Variants in PPP1R14C observed in about 807,000 individuals in gnomAD.
PPP1R14C encodes the protein protein phosphatase 1 regulatory subunit 14C.
PPP1R14C carries 16 observed loss-of-function variants against 20.4 expected under a neutral mutation model. That is an observed-to-expected ratio of 0.78 (90% confidence interval 0.53 to 1.19). The LOEUF (loss-of-function observed/expected upper bound fraction) is 1.19. PPP1R14C is among the 50% of genes most tolerant of loss of function. The probability of loss-of-function intolerance (pLI) is 0.00; values close to 1 mark genes in which losing one functional copy is unlikely to be tolerated. For synonymous variants in PPP1R14C, 91 were observed against 91.0 expected, an observed-to-expected ratio of 1.00 and a Z score of 0.00; for missense variants, 211 against 220.1, an observed-to-expected ratio of 0.96 and a Z score of 0.26.
At chr6:150,242,300 A>G (rs925353503) in intron 3 of PPP1R14C, among the ~76,000 whole-genome samples, 1 of 152,284 alleles carries the variant, frequency 6.6e-6, no homozygotes, top group Non-Finnish European at 1.5e-5. Context: ...CCCTGATACT[A>G]AAGATAAAGA....
intron 1 of PPP1R14C, among the ~76,000 whole-genome samples, chr6:150,199,220 T>C (rs9479920): frequency 0.013 from 1,959 of 152,312 alleles, 50 homozygotes; most frequent in African/African-American, 0.045. Flanking sequence ...GCAGGTATTT[T>C]ATGAATGTGA....
intron 3 of PPP1R14C, among the ~76,000 whole-genome samples, chr6:150,218,163 G>A (rs756735967): frequency 6.6e-6 from 1 of 152,110 alleles, no homozygotes; most frequent in African/African-American, 2.4e-5. Flanking sequence ...CAGCACTTTG[G>A]GGGGCCGAGA....
Position 150,249,095 on chromosome 6 carries a change from C to T in PPP1R14C, c.*275C>T, listed in dbSNP as rs1336075971. On this transcript the variant is annotated 3_prime_UTR_variant, in exon 4 of 4. Coordinates refer to ENST00000361131, the MANE Select transcript of PPP1R14C (RefSeq NM_030949.3). ...CAAGGATTATCAAAGGAGGTGGACA[C>T]TCAAGGAAGGGCCACGCCAGGCTGC... 4.8e-6 allele frequency: 2 copies of T among 417,156 alleles called. No individual in the cohort carries two copies. Among genetic ancestry groups the T allele is most frequent in the Non-Finnish European group, 8.4e-6 (2 of 237,446 alleles). The allele number at this position is 417,156 out of a possible 1,614,324, so 25.8% of individuals were successfully genotyped here.
intron 1 of PPP1R14C, among the ~76,000 whole-genome samples, chr6:150,188,856 ATTAT>A (rs1777709177): frequency 6.8e-6 from 1 of 147,518 alleles, no homozygotes; most frequent in South Asian, 2.1e-4. Flanking sequence ...TTTTTTAATT[ATTAT>A]TTATTTATTA....
intron 2 of PPP1R14C, among the ~76,000 whole-genome samples, chr6:150,215,565 T>A (rs7758186): frequency 0.21 from 32,001 of 152,188 alleles, 5,004 homozygotes; most frequent in African/African-American, 0.44. Context: ...CATTTGAATG[T>A]ATTAATGTGT....
At chr6:150,246,698 T>C (rs1324149743) in intron 3 of PPP1R14C, among the ~76,000 whole-genome samples, 1 of 152,226 alleles carries the variant, frequency 6.6e-6, no homozygotes, top group Non-Finnish European at 1.5e-5. Flanking sequence ...AAAATTTATG[T>C]ACAAAGACAT....
intron 1 of PPP1R14C, among the ~76,000 whole-genome samples, chr6:150,198,944 G>A (rs1177524814): frequency 6.6e-6 from 1 of 151,968 alleles, no homozygotes; most frequent in African/African-American, 2.4e-5. Flanking sequence ...ATGCACGATT[G>A]TTTTCTCCAA....
At chr6:150,228,876 G>A (rs190627593) in intron 3 of PPP1R14C, among the ~76,000 whole-genome samples, 8 of 152,216 alleles carry the variant, frequency 5.3e-5, no homozygotes, top group Non-Finnish European at 8.8e-5. Context: ...GAAAAGCCAC[G>A]TGGGCCTTGC....
rs1441755777 is a variant in PPP1R14C at position 150,201,115 on chromosome 6, A to T, written c.307-13629A>T. Among the ~76,000 whole-genome samples, 1 of 152,240 alleles carries T rather than the reference A, an allele frequency of 6.6e-6. No individual in the cohort carries two copies. The highest frequency in any genetic ancestry group is 2.4e-5 in the African/African-American group (1 of 41,460). On this transcript the variant is annotated intron_variant, in intron 1 of 3. Transcript: ENST00000361131. The surrounding 1 kb of genome is among the most constrained non-coding windows in gnomAD (Gnocchi z 4.2). ...AGCGATCGGCCCTATTGGGCAGGAT[A>T]CTCAGACATTCCATCTGTAAATAGA...
At chr6:150,174,965 CAAAA>C (rs34296938) in intron 1 of PPP1R14C, among the ~76,000 whole-genome samples, 1 of 120,858 alleles carries the variant, frequency 8.3e-6, no homozygotes, top group Non-Finnish European at 1.8e-5. Flanking sequence ...GATTCTGTCT[CAAAA>C]AAAAAAAAAA....
chr6:150,146,526 G>C (rs1011047578), intron 1 of PPP1R14C, among the ~76,000 whole-genome samples: 4 of 152,202 alleles, frequency 2.6e-5, no homozygotes, highest in Non-Finnish European at 5.9e-5. Context: ...CTGAAATGCA[G>C]TTAGGAGACT....
At chr6:150,149,682 A>T (rs1352069832) in intron 1 of PPP1R14C, among the ~76,000 whole-genome samples, 1 of 152,068 alleles carries the variant, frequency 6.6e-6, no homozygotes, top group Non-Finnish European at 1.5e-5. Context: ...CAAGCATAGT[A>T]CTTAGGACAT....
intron 3 of PPP1R14C, among the ~76,000 whole-genome samples, chr6:150,243,483 G>A (rs1230520204): frequency 6.6e-6 from 1 of 151,990 alleles, no homozygotes; most frequent in African/African-American, 2.4e-5. Context: ...CAGCCCTAAA[G>A]CTCTTAAGGA....
At chr6:150,156,206 A>G (rs1777304738) in intron 1 of PPP1R14C, among the ~76,000 whole-genome samples, 1 of 152,134 alleles carries the variant, frequency 6.6e-6, no homozygotes, top group Non-Finnish European at 1.5e-5. Flanking sequence ...AATTGACTCC[A>G]TGCTCAATCT....
chr6:150,205,914 C>T (rs1022450544), intron 1 of PPP1R14C, among the ~76,000 whole-genome samples: 1 of 152,122 alleles, frequency 6.6e-6, no homozygotes, highest in South Asian at 2.1e-4. Flanking sequence ...CTGGTCTTTT[C>T]GCGTATGCCC....
intron 3 of PPP1R14C, among the ~76,000 whole-genome samples, chr6:150,224,448 T>C (rs558428380): frequency 6.6e-6 from 1 of 152,338 alleles, no homozygotes; most frequent in South Asian, 2.1e-4. Context: ...AGAACTGACA[T>C]ACTGGCCATA....
intron 1 of PPP1R14C, among the ~76,000 whole-genome samples, chr6:150,166,969 G>A (rs1451187921): frequency 6.6e-5 from 10 of 152,190 alleles, no homozygotes; most frequent in Non-Finnish European, 1.0e-4. Context: ...GGTGGCTCAC[G>A]TCTGTAATCC....
At chr6:150,209,946 A>T (rs1778002170) in intron 1 of PPP1R14C, among the ~76,000 whole-genome samples, 1 of 144,308 alleles carries the variant, frequency 6.9e-6, no homozygotes, top group African/African-American at 2.6e-5. Context: ...TGTGTGTATG[A>T]GTGGTGTGGA....
intron 1 of PPP1R14C, among the ~76,000 whole-genome samples, chr6:150,189,431 T>A (rs539517288): frequency 1.2e-4 from 18 of 152,210 alleles, no homozygotes; most frequent in Non-Finnish European, 1.3e-4. Flanking sequence ...CATGACTTGC[T>A]CTACATTCTA....
Sources: allele counts gnomAD v4.1 joint callset (sites outside exome capture counted in the v4.1 genomes callset), GRCh38; gene constraint gnomAD v4.1.1; non-coding constraint Gnocchi (gnomAD v3.1); transcripts MANE v1.5; gene names NCBI Gene and HGNC (gene_info 2026-07-23, HGNC 2026-07-21).